The following ANK2 variants were observed in gnomAD, a reference collection of about 807,000 sequenced individuals.
ANK2 encodes the protein ankyrin-2.
Under a neutral mutation model 360.5 loss-of-function variants are expected in ANK2, and 83 were observed. The observed-to-expected ratio is 0.23, with a 90% CI of 0.19 to 0.28. ANK2 has a LOEUF of 0.28. Ranked by LOEUF, ANK2 falls within the 10% of genes least tolerant of loss-of-function variation. The pLI is 1.00. For synonymous variants in ANK2, 1,740 were observed against 1,759.5 expected, an observed-to-expected ratio of 0.99 and a Z score of 0.28; for missense variants, 4,201 against 4,795.7, an observed-to-expected ratio of 0.88 and a Z score of 3.66.
At chr4:113,004,241 T>G (rs989162848) in intron 2 of ANK2, among the ~76,000 whole-genome samples, 2 of 152,178 alleles carry the variant, frequency 1.3e-5, no homozygotes, top group Non-Finnish European at 1.5e-5. Flanking sequence ...AAACATTTTG[T>G]TTTTTTAAAC....
intron 1 of ANK2, among the ~76,000 whole-genome samples, chr4:113,143,563 A>C (rs1250308450): frequency 6.6e-6 from 1 of 152,208 alleles, no homozygotes; most frequent in Non-Finnish European, 1.5e-5. Context: ...GAATGTTTTT[A>C]AAATAGTACA....
chr4:113,258,155 A>G lies in ANK2; in HGVS notation c.1287+7A>G. 1 of 1,609,230 alleles carries G rather than the reference A, an allele frequency of 6.2e-7. No individual in the cohort carries two copies. Among genetic ancestry groups the G allele is most frequent in the East Asian group, 2.2e-5 (1 of 44,850 alleles). ...AATCCAAGCTATAACAGAGGTAGAA[A>G]AATGTTTTAGCTAGTCACAAAGCAT... On this transcript the variant is annotated splice_region_variant and intron_variant, in intron 12 of 45. Transcript: ENST00000357077.
chr4:113,206,188 C>T (rs2098945225), intron 4 of ANK2, among the ~76,000 whole-genome samples: 1 of 152,046 alleles, frequency 6.6e-6, no homozygotes, highest in Non-Finnish European at 1.5e-5. Context: ...ACCTATTAAC[C>T]CATCACCTAG....
chr4:113,211,050 A>C (rs1480899564), intron 4 of ANK2, among the ~76,000 whole-genome samples: 1 of 152,218 alleles, frequency 6.6e-6, no homozygotes, highest in African/African-American at 2.4e-5. Context: ...GCTCAACAAA[A>C]TCTATAAGGA....
At chr4:112,970,683 A>G (rs2039205825) in intron 2 of ANK2, among the ~76,000 whole-genome samples, 1 of 152,216 alleles carries the variant, frequency 6.6e-6, no homozygotes, top group South Asian at 2.1e-4. Flanking sequence ...ATATATATCT[A>G]TATCTATTTA....
intron 2 of ANK2, among the ~76,000 whole-genome samples, chr4:112,965,867 CAA>C (rs1561322244): frequency 6.6e-6 from 1 of 151,852 alleles, no homozygotes; most frequent in Non-Finnish European, 1.5e-5. Context: ...TTATAGCAAA[CAA>C]TGTAATTCTA....
chr4:112,875,016 A>G (rs1346703706), intron 1 of ANK2, among the ~76,000 whole-genome samples: 1 of 151,650 alleles, frequency 6.6e-6, no homozygotes, highest in Non-Finnish European at 1.5e-5. Context: ...ATTCTGAGAA[A>G]TTATGTACCA....
At chr4:113,342,985 C>T (rs2094459616) in intron 33 of ANK2, 32 bp from the exon 34 acceptor site, 5 of 1,613,076 alleles carry the variant, frequency 3.1e-6, no homozygotes, top group Non-Finnish European at 4.2e-6. Flanking sequence ...ATTGCAGCTA[C>T]TTTATTGTTA....
At chr4:112,775,335 A>G in the ANK2 span, among the ~76,000 whole-genome samples, 2 of 152,256 alleles carry the variant, frequency 1.3e-5, no homozygotes, top group South Asian at 2.1e-4. Context: ...CCTGGCCAAC[A>G]TGGTGAAACC....
the ANK2 span, among the ~76,000 whole-genome samples, chr4:112,799,354 A>G: frequency 2.0e-5 from 3 of 152,076 alleles, no homozygotes; most frequent in African/African-American, 7.2e-5. Flanking sequence ...GAATGGCTGG[A>G]TCATATTGTA....
intron 2 of ANK2, among the ~76,000 whole-genome samples, chr4:112,977,523 T>G (rs982968273): frequency 2.0e-5 from 3 of 151,912 alleles, no homozygotes; most frequent in Middle Eastern, 3.4e-3. Flanking sequence ...AAACATTTAA[T>G]AACCATGAAT....
chr4:112,881,922 G>A, intron 1 of ANK2: 2 of 688,614 alleles, frequency 2.9e-6, no homozygotes, highest in Non-Finnish European at 5.3e-6. Context: ...CACCTTGTGT[G>A]GCTTTGCATT....
chr4:113,147,404 A>T (rs2096875595), intron 1 of ANK2, among the ~76,000 whole-genome samples: 1 of 152,230 alleles, frequency 6.6e-6, no homozygotes. Flanking sequence ...CAGGACCACA[A>T]AAATGAGTGT....
chr4:112,911,930 C>T (rs2087624731), intron 2 of ANK2, among the ~76,000 whole-genome samples: 2 of 152,132 alleles, frequency 1.3e-5, no homozygotes, highest in African/African-American at 2.4e-5. Context: ...GTAATCCCAG[C>T]ACTTTGGGAG....
rs559511839 is a variant in ANK2, at chr4:113,329,027, C to G, written c.2901-1219C>G. Among the ~76,000 whole-genome samples the G allele has an allele frequency of 5.3e-5, 8 of 152,252 alleles. 1 individual carries two copies. The highest frequency in any genetic ancestry group is 1.7e-4 in the African/African-American group (7 of 41,550). Reference sequence around the variant, plus strand: ...AGATTATAAGCAGAGACATGATACACCTGTATGTTGCTTTCCTCTTCCCAT... The same window carrying G: ...AGATTATAAGCAGAGACATGATACAGCTGTATGTTGCTTTCCTCTTCCCAT... On this transcript the variant is annotated intron_variant, in intron 26 of 45. Coordinates refer to ENST00000357077, the MANE Select transcript of ANK2 (RefSeq NM_001148.6).
intron 2 of ANK2, among the ~76,000 whole-genome samples, chr4:113,186,975 A>G (rs1180211470): frequency 2.0e-5 from 3 of 152,036 alleles, no homozygotes; most frequent in Admixed American, 6.5e-5. Context: ...TCAGGGTAGG[A>G]TAAAAGAGAC....
chr4:113,234,183 T>C (rs1230762426), intron 5 of ANK2, among the ~76,000 whole-genome samples: 2 of 152,200 alleles, frequency 1.3e-5, no homozygotes. Flanking sequence ...GGCTCCTGGC[T>C]CTTTTGGTCA....
At chr4:112,828,060 C>G (rs1038105582) in intron 1 of ANK2, among the ~76,000 whole-genome samples, 1 of 151,974 alleles carries the variant, frequency 6.6e-6, no homozygotes, top group Non-Finnish European at 1.5e-5. Context: ...GAAATAAAGT[C>G]GCAAACCTAC....
intron 1 of ANK2, chr4:112,880,208 C>G (rs1230335665): frequency 1.3e-5 from 2 of 152,186 alleles, no homozygotes; most frequent in Non-Finnish European, 2.9e-5. Context: ...GGAATGAACA[C>G]ATCTTTTATG....
Sources: allele counts gnomAD v4.1 joint callset (sites outside exome capture counted in the v4.1 genomes callset), GRCh38; gene constraint gnomAD v4.1.1; transcripts MANE v1.5; gene names NCBI Gene and HGNC (gene_info 2026-07-23, HGNC 2026-07-21).